The following PDGFC variants were observed in gnomAD, a reference collection of about 807,000 sequenced individuals.
The protein encoded by PDGFC is platelet-derived growth factor C.
PDGFC carries 12 observed loss-of-function variants against 35.5 expected under a neutral mutation model. The observed-to-expected ratio is 0.34, with a 90% CI of 0.22 to 0.55. PDGFC has a LOEUF of 0.55. PDGFC is among the 20% of genes least tolerant of loss of function. The probability of loss-of-function intolerance (pLI) is 0.91; values close to 1 mark genes in which losing one functional copy is unlikely to be tolerated. For missense variants in PDGFC, 322 were observed against 412.4 expected (o/e 0.78, Z 1.90); for synonymous variants, 159 against 148.8 (o/e 1.07, Z -0.50).
At chr4:156,940,924 G>C (rs998550956) in intron 1 of PDGFC, among the ~76,000 whole-genome samples, 1 of 152,074 alleles carries the variant, frequency 6.6e-6, no homozygotes, top group Non-Finnish European at 1.5e-5. Context: ...TCATAAATAT[G>C]TTAATGTGTT....
At chr4:156,924,252 T>C (rs761889731) in intron 1 of PDGFC, among the ~76,000 whole-genome samples, 1 of 152,162 alleles carries the variant, frequency 6.6e-6, no homozygotes, top group African/African-American at 2.4e-5. Context: ...AACCTACAAT[T>C]TGTATTCTTG....
rs185363636 is a variant in PDGFC at position 156,864,602 on chromosome 4, C to G, written c.119-14186G>C. ...CAAGATGAAAACTTTTTTTAGATGG[C>G]CTTTTTCTGTGCTGGATGTGGGGTT... On this transcript the variant is annotated intron_variant, in intron 1 of 5. Transcript: ENST00000502773. 1.7e-4 allele frequency among the ~76,000 whole-genome samples: 26 copies of G among 152,160 alleles called. No individual in the cohort carries two copies. The East Asian group carries it at 4.8e-3, about 28-fold the overall frequency.
At position 156,767,876 on chromosome 4, in the gene PDGFC, C is replaced by A; in HGVS notation, c.818G>T (p.Gly273Val). Reference sequence around the variant, plus strand: ...ACCACAGCGTTTAACCAGGAGACAACCTGGCCAGAAAATGGTATCGGTTCT... The same window carrying A: ...ACCACAGCGTTTAACCAGGAGACAAACTGGCCAGAAAATGGTATCGGTTCT... ...LKRTDTIFWP[G>V]CLLVKRCGGN... The change falls in exon 5 of 6, where the codon GGT (glycine) becomes GTT (valine). Residue 273 changes from glycine to valine, a missense_variant. Gly to Val is a moderately radical substitution (Grantham distance 109). Around this residue, in one of 2 missense-constraint regions of PDGFC, gnomAD observed 202 missense variants for 295.9 expected, o/e 0.68. Coordinates refer to ENST00000502773, the MANE Select transcript of PDGFC (RefSeq NM_016205.3). The A allele has an allele frequency of 1.9e-6, 3 of 1,613,292 alleles. No homozygotes were observed. Among genetic ancestry groups the A allele is most frequent in the Non-Finnish European group, 2.5e-6 (3 of 1,179,404 alleles).
intron 2 of PDGFC, among the ~76,000 whole-genome samples, chr4:156,840,668 G>C (rs1729179863): frequency 6.6e-6 from 1 of 152,124 alleles, no homozygotes; most frequent in African/African-American, 2.4e-5. Flanking sequence ...CTGTGCACCT[G>C]GAAAAGCCAC....
intron 1 of PDGFC, among the ~76,000 whole-genome samples, chr4:156,895,693 T>C (rs1018444876): frequency 6.6e-6 from 1 of 151,860 alleles, no homozygotes; most frequent in South Asian, 2.1e-4. Flanking sequence ...CTACCTTTAG[T>C]CCTCAAAGAG....
intron 4 of PDGFC, among the ~76,000 whole-genome samples, chr4:156,771,163 G>A (rs1047146010): frequency 6.6e-5 from 10 of 152,124 alleles, no homozygotes; most frequent in Non-Finnish European, 4.4e-5. Flanking sequence ...TTCAGCTTCC[G>A]ATGCTTTTGA....
chr4:156,945,512 C>T (rs953539273), intron 1 of PDGFC, among the ~76,000 whole-genome samples: 2 of 151,088 alleles, frequency 1.3e-5, no homozygotes, highest in African/African-American at 2.4e-5. Flanking sequence ...TTTATAGATG[C>T]TAAGCAACTA....
chr4:156,959,252 C>T lies in PDGFC; in HGVS notation c.118+11534G>A, dbSNP rs114416593. Among the ~76,000 whole-genome samples, 329 of 151,972 alleles carry T rather than the reference C, an allele frequency of 2.2e-3. 2 individuals carry two copies. Among genetic ancestry groups the T allele is most frequent in the Middle Eastern group, 6.8e-3 (2 of 294 alleles). ...CAATAATGGATTTCCACGCACTAAA[C>T]GAAAACAAACAAATAAACAAAAAAT... is the stretch of plus-strand genomic sequence containing the variant. On this transcript the variant is annotated intron_variant, in intron 1 of 5. Transcript: ENST00000502773.
chr4:156,822,412 ATACTGTATGAGGAAGCACATACAATAT>A (rs939621790), intron 2 of PDGFC, among the ~76,000 whole-genome samples: 8 of 151,962 alleles, frequency 5.3e-5, no homozygotes, highest in South Asian at 2.1e-4. Flanking sequence ...TAAAGTGTGA[ATACTGTATGAGGAAGCACATACAATAT>A]TACTGTATGA....
At chr4:156,945,886 T>A (rs1419523217) in intron 1 of PDGFC, among the ~76,000 whole-genome samples, 1 of 152,100 alleles carries the variant, frequency 6.6e-6, no homozygotes, top group East Asian at 1.9e-4. Context: ...TCAGAAGGAT[T>A]TCAGCCCTTT....
At chr4:156,826,915 A>C (rs1728774245) in intron 2 of PDGFC, among the ~76,000 whole-genome samples, 1 of 152,226 alleles carries the variant, frequency 6.6e-6, no homozygotes, top group Non-Finnish European at 1.5e-5. Flanking sequence ...AAAGTGAAAT[A>C]AAAATATTGT....
intron 1 of PDGFC, among the ~76,000 whole-genome samples, chr4:156,956,092 T>G (rs1300894897): frequency 6.6e-6 from 1 of 152,066 alleles, no homozygotes; most frequent in African/African-American, 2.4e-5. Context: ...ACATTTTGTT[T>G]ACCTGTTTTC....
At chr4:156,863,481 T>C (rs1438099579) in intron 1 of PDGFC, among the ~76,000 whole-genome samples, 1 of 152,212 alleles carries the variant, frequency 6.6e-6, no homozygotes, top group African/African-American at 2.4e-5. Flanking sequence ...ATAGCTGTTA[T>C]ATTTACAGTA....
chr4:156,925,679 CTACATACA>C lies in PDGFC; in HGVS notation c.118+45099_118+45106del, dbSNP rs566993658. The stretch of plus-strand genomic sequence containing the variant: ...CTAGATATAGATACATGGAGATCAT[CTACATACA>C]TACAGTATTTGAAGGCAAGAGATTG... On this transcript the variant is annotated intron_variant, in intron 1 of 5. Coordinates refer to ENST00000502773, the MANE Select transcript of PDGFC (RefSeq NM_016205.3). 1.2e-3 allele frequency among the ~76,000 whole-genome samples: 184 copies of C among 150,886 alleles called. 7 individuals carry two copies. The South Asian group carries it at 0.038, about 31-fold the overall frequency.
rs1040708997 is a variant in PDGFC at position 156,920,795 on chromosome 4, T to C, written c.118+49991A>G. 2.6e-5 allele frequency among the ~76,000 whole-genome samples: 4 copies of C among 152,164 alleles called. No individual in the cohort carries two copies. In the South Asian group the frequency reaches 8.3e-4, roughly 32 times the overall value. ...ACTATAATTGCCAACCTTTTTCTAC[T>C]TTTCTGTTGTTCTAAAAGTGCATGG... On this transcript the variant is annotated intron_variant, in intron 1 of 5. Coordinates refer to ENST00000502773, the MANE Select transcript of PDGFC (RefSeq NM_016205.3).
intron 1 of PDGFC, among the ~76,000 whole-genome samples, chr4:156,851,585 T>C (rs1320729900): frequency 1.3e-5 from 2 of 151,966 alleles, no homozygotes; most frequent in Admixed American, 1.3e-4. Context: ...AGTTATAAAA[T>C]AAGCAGTCAT....
intron 3 of PDGFC, among the ~76,000 whole-genome samples, chr4:156,778,508 C>A (rs983061959): frequency 5.3e-5 from 8 of 152,094 alleles, no homozygotes; most frequent in African/African-American, 1.9e-4. Context: ...CTGTTCTTTT[C>A]AAAAATCAGT....
chr4:156,812,873 C>G (rs1731976919), intron 2 of PDGFC, among the ~76,000 whole-genome samples: 1 of 152,124 alleles, frequency 6.6e-6, no homozygotes, highest in South Asian at 2.1e-4. Flanking sequence ...CCCCTCCAAC[C>G]TCTGCACACC....
At chr4:156,856,500 G>C (rs1278551513) in intron 1 of PDGFC, among the ~76,000 whole-genome samples, 1 of 152,034 alleles carries the variant, frequency 6.6e-6, no homozygotes, top group Non-Finnish European at 1.5e-5. Context: ...ACCTCTTTTG[G>C]AAGGCAATAG....
Sources: gnomAD v4.1 joint callset for allele counts (sites outside exome capture counted in the v4.1 genomes callset) on GRCh38, gnomAD v4.1.1 for gene constraint, gnomAD v4.1.1 regional missense constraint, MANE v1.5 for transcripts, NCBI Gene and HGNC (gene_info 2026-07-23, HGNC 2026-07-21) for gene names.